Variants in LMF1 observed in about 807,000 individuals in gnomAD.
LMF1 encodes the protein lipase maturation factor 1.
In LMF1, 68 loss-of-function variants were observed where a neutral mutation model predicts 60.6. The observed-to-expected ratio is 1.12, with a 90% CI of 0.92 to 1.37. The LOEUF (loss-of-function observed/expected upper bound fraction) is 1.37. LMF1 is among the 40% of genes most tolerant of loss of function. The pLI is 0.00. For missense variants in LMF1, 948 were observed against 767.2 expected, an observed-to-expected ratio of 1.24 and a Z score of -2.78; for synonymous variants, 418 against 324.7, an observed-to-expected ratio of 1.29 and a Z score of -3.09.
chr16:874,475 C>T lies in LMF1; in HGVS notation c.898-3134G>A, dbSNP rs1340750503. Reference sequence around the variant, plus strand: ...GGCTGCGTCTCCCTGTCACCAGTGCCCTAGTGGAGGCTGATGGCTCCCGTG... The same window carrying T: ...GGCTGCGTCTCCCTGTCACCAGTGCTCTAGTGGAGGCTGATGGCTCCCGTG... On this transcript the variant is annotated intron_variant, in intron 6 of 10. Transcript: ENST00000262301. The surrounding 1 kb of genome is among the most constrained non-coding windows in gnomAD (Gnocchi z 4.1). Among the ~76,000 whole-genome samples the T allele has an allele frequency of 6.6e-6, 1 of 152,202 alleles. No individual in the cohort carries two copies. The highest frequency in any genetic ancestry group is 1.5e-5 in the Non-Finnish European group (1 of 68,028).
At position 962,421 on chromosome 16, in the gene LMF1, C is replaced by T. The variant is rs1256878711; in HGVS notation, c.194-7755G>A. 1.3e-5 allele frequency among the ~76,000 whole-genome samples: 2 copies of T among 152,120 alleles called. No homozygotes were observed. The highest frequency in any genetic ancestry group is 2.9e-5 in the Non-Finnish European group (2 of 68,044). ...GGAGGCGGGGGCTGGACCCAGTGAG[C>T]GGCTTCCAGAGGACAGAGCGGGCGG... On this transcript the variant is annotated intron_variant, in intron 1 of 10. Coordinates refer to ENST00000262301, the MANE Select transcript of LMF1 (RefSeq NM_022773.4). This position sits in a 1 kb window ranked among gnomAD's most constrained non-coding sequence, Gnocchi z 4.5.
At chr16:959,006 T>A (rs968763653) in intron 1 of LMF1, among the ~76,000 whole-genome samples, 1 of 152,148 alleles carries the variant, frequency 6.6e-6, no homozygotes, top group Admixed American at 6.5e-5. Flanking sequence ...CCTACCACTG[T>A]GGATGGCAGA....
At chr16:972,032 C>T (rs894160481), upstream of LMF1, among the ~76,000 whole-genome samples, 1 of 152,072 alleles carries the variant, frequency 6.6e-6, no homozygotes, top group Non-Finnish European at 1.5e-5. Flanking sequence ...TCAAATGACC[C>T]GTCTTTATTG....
At chr16:942,430 C>T (rs2072123707) in intron 2 of LMF1, among the ~76,000 whole-genome samples, 1 of 152,246 alleles carries the variant, frequency 6.6e-6, no homozygotes, top group Non-Finnish European at 1.5e-5. Context: ...ACATTTATAT[C>T]ATTCAGCTAT....
chr16:940,577 A>T (rs931016507), intron 2 of LMF1, among the ~76,000 whole-genome samples: 1 of 152,258 alleles, frequency 6.6e-6, no homozygotes, highest in African/African-American at 2.4e-5. Context: ...TGGATGTCCC[A>T]GAAGAGACCA....
intron 10 of LMF1, chr16:856,061 G>T (rs2069176820): frequency 7.1e-6 from 3 of 424,428 alleles, no homozygotes; most frequent in Non-Finnish European, 1.4e-5. Context: ...GGCGCCTGAT[G>T]GGAGAGAGGG....
chr16:919,391 G>C (rs1015991346), intron 3 of LMF1, among the ~76,000 whole-genome samples: 7 of 152,222 alleles, frequency 4.6e-5, no homozygotes, highest in African/African-American at 1.7e-4. Flanking sequence ...TCTCTGTCAG[G>C]ACCTATGGTG....
intron 10 of LMF1, among the ~76,000 whole-genome samples, chr16:859,861 CAGTGGTGTCTCGGGATGGGTGTG>C (rs1462205431): frequency 6.8e-4 from 36 of 53,248 alleles, no homozygotes; most frequent in Middle Eastern, 0.017. Context: ...GATGGGTGTG[CAGTGGTGTCTCGGGATGGGTGTG>C]AGTGGTGTCT....
intron 2 of LMF1, 170 bp downstream of exon 2, chr16:954,187 G>T (rs1405337515): frequency 1.3e-6 from 1 of 745,354 alleles, no homozygotes; most frequent in Non-Finnish European, 2.3e-6. Flanking sequence ...GGTGGCTGCT[G>T]TGGCTGGTGC....
At chr16:888,807 G>C (rs2070388882) in intron 5 of LMF1, among the ~76,000 whole-genome samples, 1 of 152,308 alleles carries the variant, frequency 6.6e-6, no homozygotes, top group African/African-American at 2.4e-5. Context: ...TGGGGTTTTA[G>C]GGACAGCTAC....
intron 2 of LMF1, among the ~76,000 whole-genome samples, chr16:952,304 G>A (rs2072493007): frequency 8.3e-6 from 1 of 120,780 alleles, no homozygotes; most frequent in South Asian, 3.2e-4. Flanking sequence ...GCCACAAAGT[G>A]GGGACCCCCC....
At chr16:971,746 G>C (rs921281858), upstream of LMF1, among the ~76,000 whole-genome samples, 7 of 152,208 alleles carry the variant, frequency 4.6e-5, no homozygotes, top group Non-Finnish European at 1.0e-4. Flanking sequence ...AGGAAGGGCT[G>C]GGGTCACAGG....
intron 10 of LMF1, chr16:855,561 G>T (rs2151674563): frequency 2.7e-6 from 1 of 373,874 alleles, no homozygotes; most frequent in African/African-American, 2.1e-5. Context: ...GCGCCAGGAG[G>T]AATTGTCACC....
chr16:870,998 G>A, intron 7 of LMF1, 116 bp from the exon 8 acceptor site: 1 of 1,428,292 alleles, frequency 7.0e-7, no homozygotes, highest in Middle Eastern at 2.5e-4. Context: ...CGGGGACGGA[G>A]CAGCACCCGA....
rs749606732 is a variant in LMF1, at chr16:954,479, G to C, written c.381C>G (p.Asp127Glu). ...MDWSDMNSNL[D>E]LLALLGLGIS... ...TGCCCAGTCCGAGAAGAGCCAGCAA[G>C]TCCAGGTTGGAGTTCATGTCTGACC... The change falls in exon 2 of 11, where the codon GAC (aspartate) becomes GAG (glutamate). Residue 127 changes from aspartate (D) to glutamate (E), a missense_variant. Physicochemically the swap from Asp to Glu is conservative, Grantham distance 45. Transcript: ENST00000262301. 4.3e-6 allele frequency: 7 copies of C among 1,612,850 alleles called. No homozygotes were observed. Among genetic ancestry groups the C allele is most frequent in the Non-Finnish European group, 5.9e-6 (7 of 1,179,544 alleles).
chr16:931,019 G>T (rs1567263322), intron 3 of LMF1, among the ~76,000 whole-genome samples: 2 of 152,142 alleles, frequency 1.3e-5, no homozygotes, highest in Non-Finnish European at 1.5e-5. Context: ...TACTCGGGAG[G>T]CTGAGGCAGG....
At chr16:963,406 C>T (rs2151488697) in intron 1 of LMF1, among the ~76,000 whole-genome samples, 1 of 152,192 alleles carries the variant, frequency 6.6e-6, no homozygotes, top group South Asian at 2.1e-4. Context: ...GTGTATGTGT[C>T]TGTACACATG....
At chr16:980,987 G>A (rs13336020) in intron 1 of LMF1, 14,937 of 153,916 alleles carry the variant, frequency 0.097, 794 homozygotes, top group South Asian at 0.16. Context: ...GGGACTCAGC[G>A]CCGGGGTCAG....
At chr16:889,284 C>T (rs551317837) in intron 5 of LMF1, among the ~76,000 whole-genome samples, 4 of 152,244 alleles carry the variant, frequency 2.6e-5, no homozygotes, top group South Asian at 2.1e-4. Context: ...CTGGCTTAAC[C>T]GACTGAATTT....
Sources: gnomAD v4.1 joint callset for allele counts (sites outside exome capture counted in the v4.1 genomes callset) on GRCh38, gnomAD v4.1.1 for gene constraint, Gnocchi (gnomAD v3.1) non-coding constraint, MANE v1.5 for transcripts, NCBI Gene and HGNC (gene_info 2026-07-23, HGNC 2026-07-21) for gene names.